KMT2A: variants seen among roughly 807,000 people sequenced by gnomAD.
KMT2A encodes histone-lysine N-methyltransferase 2A.
KMT2A carries 16 observed loss-of-function variants against 345.3 expected under a neutral mutation model. The ratio of observed to expected loss-of-function variants is 0.05; its 90% CI spans 0.03 to 0.07. KMT2A has a LOEUF of 0.07. Among genes scored for constraint, KMT2A ranks in the 10% least tolerant of loss-of-function variants. KMT2A has a pLI of 1.00. For missense variants in KMT2A, 3,272 were observed against 4,841.6 expected, an observed-to-expected ratio of 0.68 and a Z score of 9.62; for synonymous variants, 1,599 against 1,778.6, an observed-to-expected ratio of 0.90 and a Z score of 2.54.
At chr11:118,478,361 TAAG>T (rs1233899965) in intron 5 of KMT2A, among the ~76,000 whole-genome samples, 160 bp downstream of exon 5, 1 of 152,202 alleles carries the variant, frequency 6.6e-6, no homozygotes, top group African/African-American at 2.4e-5. Flanking sequence ...TGTGCTTAAA[TAAG>T]AAATACTCTG....
In KMT2A at chr11:118,480,256, G is replaced by A. The variant is rs1555038855; in HGVS notation, c.3634+18G>A. 1 of 1,604,406 alleles carries A rather than the reference G, an allele frequency of 6.2e-7. No individual in the cohort carries two copies. Among genetic ancestry groups the A allele is most frequent in the Non-Finnish European group, 8.5e-7 (1 of 1,171,602 alleles). On this transcript the variant is annotated intron_variant, in intron 6 of 35. Transcript: ENST00000534358. ...AGCTAAAGGTAGTGTTGTTAAAAAGGTCTTCCCCCAAATGCTCCTTGCTTA... is the reference window on the plus strand; with the variant it reads ...AGCTAAAGGTAGTGTTGTTAAAAAGATCTTCCCCCAAATGCTCCTTGCTTA...
chr11:118,445,800 C>T (rs1386533221), intron 1 of KMT2A, among the ~76,000 whole-genome samples: 1 of 151,906 alleles, frequency 6.6e-6, no homozygotes, highest in East Asian at 1.9e-4. Flanking sequence ...GTCAGGAGTT[C>T]GAGACCAGCC....
At chr11:118,506,778 G>T in intron 27 of KMT2A, 132 bp downstream of exon 27, 1 of 941,798 alleles carries the variant, frequency 1.1e-6, no homozygotes, top group East Asian at 2.5e-5. Flanking sequence ...TCCGGGTTTT[G>T]ACTTTTTTTC....
At chr11:118,483,655 C>G (rs1213320904) in intron 8 of KMT2A, among the ~76,000 whole-genome samples, 3 of 152,204 alleles carry the variant, frequency 2.0e-5, no homozygotes, top group African/African-American at 7.2e-5. Context: ...GGCCATTTGG[C>G]GTAATTATTT....
chr11:118,509,738 T>C lies in KMT2A; in HGVS notation c.10901-210T>C, dbSNP rs528158809. ...TTCTACCACAGAGAGCATAACTTCA[T>C]GTAAAAAAAAATCTGGTTTTAGTCA... On this transcript the variant is annotated intron_variant, in intron 29 of 35. Transcript: ENST00000534358. Among the ~76,000 whole-genome samples the C allele has an allele frequency of 2.6e-5, 4 of 152,174 alleles. No individual in the cohort carries two copies. In the East Asian group the frequency reaches 7.7e-4, roughly 29 times the overall value.
intron 1 of KMT2A, among the ~76,000 whole-genome samples, chr11:118,457,883 A>G (rs1157062260): frequency 7.9e-5 from 12 of 152,030 alleles, no homozygotes; most frequent in African/African-American, 2.7e-4. Context: ...ACGATACTTC[A>G]TTAATTTACT....
chr11:118,453,209 A>G (rs1949576095), intron 1 of KMT2A, among the ~76,000 whole-genome samples: 1 of 152,138 alleles, frequency 6.6e-6, no homozygotes, highest in Non-Finnish European at 1.5e-5. Flanking sequence ...TGTAATTGCT[A>G]TTTCTACTTT....
rs183578164 is a variant in KMT2A, at chr11:118,525,168, G to A, written c.*2996G>A. 2.3e-3 allele frequency: 540 copies of A among 230,134 alleles called. 3 individuals are homozygous for A. The highest frequency in any genetic ancestry group is 2.7e-3 in the Non-Finnish European group (313 of 116,044). 14.3% of individuals were successfully genotyped at this position (230,134 alleles called of 1,614,324 possible). ...TTCAAAAGTGACCAAGGGAATCTCC[G>A]CACAAAAGTGCAGATTGAGGAATTG... On this transcript the variant is annotated 3_prime_UTR_variant, in exon 36 of 36. Coordinates refer to ENST00000534358, the MANE Select transcript of KMT2A (RefSeq NM_001197104.2).
chr11:118,466,009 G>A (rs1280180229), intron 1 of KMT2A, among the ~76,000 whole-genome samples: 1 of 151,948 alleles, frequency 6.6e-6, no homozygotes, highest in Non-Finnish European at 1.5e-5. Flanking sequence ...CATGTTGTAG[G>A]TTAGTTATAT....
chr11:118,467,741 C>T (rs9332760), intron 1 of KMT2A, among the ~76,000 whole-genome samples: 1 of 152,198 alleles, frequency 6.6e-6, no homozygotes, highest in Non-Finnish European at 1.5e-5. Context: ...TGTGTTCTTA[C>T]CTCTCGAGAG....
Position 118,484,125 on chromosome 11 carries a change from C to G in KMT2A, c.4087-58C>G. ...TTGTCATTTGCATTATTATCTGTTGCAAATGTGAAGGCAAATAGGGTGTGA... is the reference window on the plus strand; with the variant it reads ...TTGTCATTTGCATTATTATCTGTTGGAAATGTGAAGGCAAATAGGGTGTGA... On this transcript the variant is annotated intron_variant, in intron 8 of 35. Coordinates refer to ENST00000534358, the MANE Select transcript of KMT2A (RefSeq NM_001197104.2). This position sits in a 1 kb window ranked among gnomAD's most constrained non-coding sequence, Gnocchi z 4.1. 6.5e-7 allele frequency: 1 copy of G among 1,535,456 alleles called. No homozygotes were observed. Among genetic ancestry groups the G allele is most frequent in the Non-Finnish European group, 8.9e-7 (1 of 1,126,912 alleles).
chr11:118,509,112 A>G (rs2134426377), intron 28 of KMT2A, 24 bp from the exon 29 acceptor site: 1 of 1,606,420 alleles, frequency 6.2e-7, no homozygotes, highest in Non-Finnish European at 8.5e-7. Flanking sequence ...CTGATATTAT[A>G]TCTTACATTT....
chr11:118,453,401 A>AT (rs57898717), intron 1 of KMT2A, among the ~76,000 whole-genome samples: 22,044 of 148,328 alleles, frequency 0.15, 2,184 homozygotes, highest in East Asian at 0.5. Flanking sequence ...CCCTTCTTGG[A>AT]TTTTTTTTTT....
In KMT2A at chr11:118,510,198, T is replaced by G. The variant is rs1950658608; in HGVS notation, c.11071+80T>G. The G allele has an allele frequency of 2.6e-6, 3 of 1,152,820 alleles. No homozygotes were observed. Among genetic ancestry groups the G allele is most frequent in the Admixed American group, 4.7e-5 (2 of 42,176 alleles). The allele number at this position is 1,152,820 out of a possible 1,614,324, so 71.4% of individuals were successfully genotyped here. On this transcript the variant is annotated intron_variant, in intron 30 of 35. Coordinates refer to ENST00000534358, the MANE Select transcript of KMT2A (RefSeq NM_001197104.2). This position sits in a 1 kb window ranked among gnomAD's most constrained non-coding sequence, Gnocchi z 4.1. ...CTTCATTTTCTGAGTATTAGCACCA[T>G]TTAGGTGGCTGTTTTATGCTAGATG...
chr11:118,519,841 T>C (rs1555052926), intron 32 of KMT2A, 49 bp downstream of exon 32: 1 of 1,591,506 alleles, frequency 6.3e-7, no homozygotes, highest in African/African-American at 1.3e-5. Context: ...GATTTTCTTA[T>C]CTCATGACAC....
At chr11:118,500,727 GT>G (rs1421309367) in intron 24 of KMT2A, 1 of 307,970 alleles carries the variant, frequency 3.2e-6, no homozygotes, top group African/African-American at 2.1e-5. Flanking sequence ...CTTTTAGGAT[GT>G]TTTACTATAT....
chr11:118,458,543 C>A (rs1949689935), intron 1 of KMT2A, among the ~76,000 whole-genome samples: 1 of 151,972 alleles, frequency 6.6e-6, no homozygotes, highest in Admixed American at 6.5e-5. Flanking sequence ...TTATTGGGTG[C>A]CAAATTTGTG....
chr11:118,503,794 T>G lies in KMT2A; in HGVS notation c.7902T>G (p.Leu2634=), dbSNP rs996075181. The part of the protein sequence containing the change: ...ARARSNMFFG[L]TPLYGVRSYG... ...CACGTTCTAACATGTTTTTTGGGCT[T>G]ACCCCACTCTATGGAGTAAGATCCT... Residue 2634 remains leucine, a synonymous_variant, in exon 27 of 36, where the codon CTT becomes CTG. Coordinates refer to ENST00000534358, the MANE Select transcript of KMT2A (RefSeq NM_001197104.2). This position sits in a 1 kb window ranked among gnomAD's most constrained non-coding sequence, Gnocchi z 5.3. 6.2e-7 allele frequency: 1 copy of G among 1,614,188 alleles called. No homozygotes were observed. Among genetic ancestry groups the G allele is most frequent in the Non-Finnish European group, 8.5e-7 (1 of 1,180,032 alleles).
At chr11:118,483,307 C>T (rs1301199629) in intron 8 of KMT2A, among the ~76,000 whole-genome samples, 2 of 150,168 alleles carry the variant, frequency 1.3e-5, no homozygotes, top group African/African-American at 2.4e-5. Flanking sequence ...CCGAGGCGGG[C>T]GGATCATGAG....
Sources: gnomAD v4.1 joint callset for allele counts (sites outside exome capture counted in the v4.1 genomes callset) on GRCh38, gnomAD v4.1.1 for gene constraint, Gnocchi (gnomAD v3.1) non-coding constraint, MANE v1.5 for transcripts, NCBI Gene and HGNC (gene_info 2026-07-23, HGNC 2026-07-21) for gene names.